QTMAN: variants seen among roughly 807,000 people sequenced by gnomAD.
The protein encoded by QTMAN is queuosine-tRNA mannosyltransferase, also known as tRNA-queuosine alpha-mannosyltransferase.
chr2:144,322,733 C>T, the QTMAN span, among the ~76,000 whole-genome samples: 4 of 152,078 alleles, frequency 2.6e-5, no homozygotes, highest in East Asian at 5.8e-4. Context: ...AAGGGTTAGT[C>T]GAAATATGGA....
At chr2:144,227,341 C>A in the QTMAN span, among the ~76,000 whole-genome samples, 3 of 152,116 alleles carry the variant, frequency 2.0e-5, no homozygotes, top group Non-Finnish European at 2.9e-5. Flanking sequence ...CAGCCCCCAA[C>A]AAACATTGGT....
the QTMAN span, among the ~76,000 whole-genome samples, chr2:144,224,325 T>C: frequency 5.9e-5 from 9 of 152,322 alleles, no homozygotes; most frequent in East Asian, 1.7e-3. Flanking sequence ...TTTGTATCCT[T>C]TTCAGCCTAA....
At chr2:144,091,199 T>C in the QTMAN span, among the ~76,000 whole-genome samples, 1 of 152,194 alleles carries the variant, frequency 6.6e-6, no homozygotes, top group South Asian at 2.1e-4. Flanking sequence ...TCCCACCATA[T>C]ATAAAAATGA....
At chr2:144,025,474 G>A in the QTMAN span, among the ~76,000 whole-genome samples, 1 of 152,308 alleles carries the variant, frequency 6.6e-6, no homozygotes, top group South Asian at 2.1e-4. Context: ...CGTTTGTAAG[G>A]AAGAAGATGC....
the QTMAN span, chr2:143,957,239 A>G: frequency 6.2e-7 from 1 of 1,611,062 alleles, no homozygotes; most frequent in Non-Finnish European, 8.5e-7. Flanking sequence ...AGATGACAAC[A>G]TCAGCCATGC....
chr2:144,070,879 G>T, the QTMAN span, among the ~76,000 whole-genome samples: 1 of 152,106 alleles, frequency 6.6e-6, no homozygotes, highest in Non-Finnish European at 1.5e-5. Flanking sequence ...GTAGGAATAT[G>T]TCACAAAACT....
the QTMAN span, among the ~76,000 whole-genome samples, chr2:144,001,521 C>T: frequency 6.6e-6 from 1 of 151,880 alleles, no homozygotes; most frequent in East Asian, 1.9e-4. Context: ...AAGTGAAGAG[C>T]TTTGATAATT....
chr2:144,037,099 G>C, the QTMAN span, among the ~76,000 whole-genome samples: 1 of 152,144 alleles, frequency 6.6e-6, no homozygotes, highest in Non-Finnish European at 1.5e-5. Flanking sequence ...GGTTGCCAGG[G>C]GTAGGGAGAA....
the QTMAN span, among the ~76,000 whole-genome samples, chr2:144,117,500 C>T: frequency 6.6e-5 from 10 of 152,092 alleles, no homozygotes; most frequent in Non-Finnish European, 8.8e-5. Context: ...GAAATTAACA[C>T]GGCAATGCAT....
the QTMAN span, among the ~76,000 whole-genome samples, chr2:143,973,903 C>G: frequency 6.6e-6 from 1 of 152,066 alleles, no homozygotes; most frequent in African/African-American, 2.4e-5. Context: ...TGGCAGAGCT[C>G]AATATATTTT....
At chr2:144,194,992 A>C in the QTMAN span, among the ~76,000 whole-genome samples, 1 of 152,184 alleles carries the variant, frequency 6.6e-6, no homozygotes, top group Non-Finnish European at 1.5e-5. Flanking sequence ...AGCTTTCTAA[A>C]ATATAAGGCA....
the QTMAN span, among the ~76,000 whole-genome samples, chr2:144,210,558 A>G: frequency 6.6e-6 from 1 of 152,134 alleles, no homozygotes; most frequent in Non-Finnish European, 1.5e-5. Flanking sequence ...CATTAATTTG[A>G]GAGCCCTGCA....
chr2:144,322,680 C>A, the QTMAN span, among the ~76,000 whole-genome samples: 13 of 152,038 alleles, frequency 8.6e-5, no homozygotes, highest in African/African-American at 3.1e-4. Flanking sequence ...TGTAGATGTT[C>A]TTTTTTGATA....
the QTMAN span, chr2:143,952,039 T>G: frequency 6.2e-7 from 1 of 1,606,420 alleles, no homozygotes. Context: ...GGAGCCTTTT[T>G]GAAAGCTGTT....
the QTMAN span, among the ~76,000 whole-genome samples, chr2:144,256,424 A>T: frequency 3.3e-5 from 5 of 152,328 alleles, no homozygotes; most frequent in East Asian, 9.6e-4. Context: ...TGATTTCTTC[A>T]TTCAATCTCT....
At chr2:144,253,571 ATAGAG>A in the QTMAN span, among the ~76,000 whole-genome samples, 2 of 152,262 alleles carry the variant, frequency 1.3e-5, no homozygotes, top group Admixed American at 6.5e-5. Context: ...TTGTTGGGAA[ATAGAG>A]TAAAGTTCAC....
the QTMAN span, among the ~76,000 whole-genome samples, chr2:144,303,595 G>C: frequency 8.6e-3 from 1,304 of 152,220 alleles, 9 homozygotes; most frequent in Non-Finnish European, 0.013. Flanking sequence ...TTTGTGATGA[G>C]ATATGTATAA....
At chr2:144,331,812 G>T in the QTMAN span, among the ~76,000 whole-genome samples, 1 of 152,218 alleles carries the variant, frequency 6.6e-6, no homozygotes, top group Admixed American at 6.5e-5. Flanking sequence ...ATTCCGGGGT[G>T]GGGGGCACAG....
the QTMAN span, among the ~76,000 whole-genome samples, chr2:143,984,025 C>T: frequency 6.6e-6 from 1 of 152,196 alleles, no homozygotes; most frequent in African/African-American, 2.4e-5. Flanking sequence ...ATGATTAACG[C>T]AGTCACCCTC....
Sources: gnomAD v4.1 joint callset for allele counts (sites outside exome capture counted in the v4.1 genomes callset) on GRCh38, gnomAD v4.1.1 for gene constraint, MANE v1.5 for transcripts, NCBI Gene and HGNC (gene_info 2026-07-23, HGNC 2026-07-21) for gene names.